NEMP2: variants seen among roughly 807,000 people sequenced by gnomAD.
NEMP2 encodes nuclear envelope integral membrane protein 2.
In NEMP2, 53 loss-of-function variants were observed where a neutral mutation model predicts 54.2. That is an observed-to-expected ratio of 0.98 (90% CI 0.78 to 1.23). NEMP2 has a LOEUF of 1.23. NEMP2 is among the 50% of genes most tolerant of loss of function. The probability of loss-of-function intolerance (pLI) is 0.00; values close to 1 mark genes in which losing one functional copy is unlikely to be tolerated. For synonymous variants in NEMP2, 197 were observed against 190.3 expected (o/e 1.04, Z -0.29); for missense variants, 455 against 511.3 (o/e 0.89, Z 1.06).
chr2:190,447,722 T>C, the NEMP2 span, among the ~76,000 whole-genome samples: 1 of 152,308 alleles, frequency 6.6e-6, no homozygotes, highest in East Asian at 1.9e-4. This position sits in a 1 kb window ranked among gnomAD's most constrained non-coding sequence, Gnocchi z 4.5. Context: ...TTGATACCCA[T>C]TTCTGGAGGA....
At chr2:190,442,205 C>T in the NEMP2 span, among the ~76,000 whole-genome samples, 1 of 152,068 alleles carries the variant, frequency 6.6e-6, no homozygotes, top group African/African-American at 2.4e-5. Flanking sequence ...ATTCTACATG[C>T]TCTAGAGGAC....
the NEMP2 span, among the ~76,000 whole-genome samples, chr2:190,487,293 G>A: frequency 6.6e-6 from 1 of 152,106 alleles, no homozygotes; most frequent in Non-Finnish European, 1.5e-5. This position sits in a 1 kb window ranked among gnomAD's most constrained non-coding sequence, Gnocchi z 5.5. Flanking sequence ...GTGAGCTGAG[G>A]TCGTGCCACT....
the NEMP2 span, among the ~76,000 whole-genome samples, chr2:190,588,909 A>G: frequency 3.9e-5 from 6 of 152,232 alleles, no homozygotes; most frequent in African/African-American, 1.4e-4. The surrounding 1 kb of genome is among the most constrained non-coding windows in gnomAD (Gnocchi z 5.0). Context: ...ATATCACTCA[A>G]TTTCTTTCGT....
At chr2:190,630,064 TTTGC>T in the NEMP2 span, among the ~76,000 whole-genome samples, 1 of 152,194 alleles carries the variant, frequency 6.6e-6, no homozygotes, top group Non-Finnish European at 1.5e-5. The surrounding 1 kb of genome is among the most constrained non-coding windows in gnomAD (Gnocchi z 5.5). Flanking sequence ...CTCAAGGCAC[TTTGC>T]TTGTTGACTT....
the NEMP2 span, among the ~76,000 whole-genome samples, chr2:190,551,985 GTCCTGGAAGGGAA>G: frequency 6.6e-6 from 1 of 152,142 alleles, no homozygotes; most frequent in African/African-American, 2.4e-5. Context: ...GTGTGACCCA[GTCCTGGAAGGGAA>G]TCCTGGAAGG....
chr2:190,633,422 T>C, the NEMP2 span, among the ~76,000 whole-genome samples: 1 of 151,868 alleles, frequency 6.6e-6, no homozygotes, highest in East Asian at 1.9e-4. Flanking sequence ...CAAGTGATTC[T>C]CTCGCCTCAG....
the NEMP2 span, among the ~76,000 whole-genome samples, chr2:190,599,799 C>G: frequency 6.6e-6 from 1 of 152,148 alleles, no homozygotes; most frequent in Admixed American, 6.5e-5. Context: ...GGCACGTGGG[C>G]CTATTTTCAC....
At chr2:190,534,412 C>G (rs1228742650) in intron 1 of NEMP2, 147 bp downstream of exon 1, 14 of 1,216,768 alleles carry the variant, frequency 1.2e-5, no homozygotes, top group African/African-American at 1.6e-5. Flanking sequence ...GCGGGGCCTG[C>G]CCGGGAGACC....
chr2:190,637,649 G>C, the NEMP2 span, among the ~76,000 whole-genome samples: 1 of 152,154 alleles, frequency 6.6e-6, no homozygotes, highest in African/African-American at 2.4e-5. The surrounding 1 kb of genome is among the most constrained non-coding windows in gnomAD (Gnocchi z 4.5). Context: ...TTCCAGACCT[G>C]TCCAATTGTT....
At chr2:190,537,956 A>G (rs541053781), upstream of NEMP2, among the ~76,000 whole-genome samples, 1 of 152,310 alleles carries the variant, frequency 6.6e-6, no homozygotes, top group South Asian at 2.1e-4. Context: ...CCAAGCACAT[A>G]CAACAAATGT....
intron 2 of NEMP2, among the ~76,000 whole-genome samples, chr2:190,524,339 A>G (rs1247011301): frequency 6.6e-6 from 1 of 152,178 alleles, no homozygotes; most frequent in Non-Finnish European, 1.5e-5. Context: ...GGAAGAGGTT[A>G]TCTACACAGT....
chr2:190,587,800 G>A, the NEMP2 span, among the ~76,000 whole-genome samples: 2 of 152,198 alleles, frequency 1.3e-5, no homozygotes, highest in Non-Finnish European at 2.9e-5. This position sits in a 1 kb window ranked among gnomAD's most constrained non-coding sequence, Gnocchi z 5.4. Context: ...CTCCGAAATA[G>A]TTGTTCAAAT....
At chr2:190,491,858 A>G in the NEMP2 span, among the ~76,000 whole-genome samples, 1 of 152,252 alleles carries the variant, frequency 6.6e-6, no homozygotes, top group Non-Finnish European at 1.5e-5. This position sits in a 1 kb window ranked among gnomAD's most constrained non-coding sequence, Gnocchi z 4.2. Context: ...TATTAAGTTA[A>G]TCAAGGAGGC....
At chr2:190,490,506 T>A in the NEMP2 span, among the ~76,000 whole-genome samples, 1 of 151,374 alleles carries the variant, frequency 6.6e-6, no homozygotes, top group African/African-American at 2.4e-5. This position sits in a 1 kb window ranked among gnomAD's most constrained non-coding sequence, Gnocchi z 4.5. Flanking sequence ...GAGCTTGCAG[T>A]GAGCCGAGAT....
At chr2:190,627,370 T>C in the NEMP2 span, among the ~76,000 whole-genome samples, 8 of 152,242 alleles carry the variant, frequency 5.3e-5, no homozygotes, top group Admixed American at 5.2e-4. This position sits in a 1 kb window ranked among gnomAD's most constrained non-coding sequence, Gnocchi z 4.4. Context: ...TTTTTCCAGA[T>C]TTCTTTCATT....
chr2:190,597,559 A>G, the NEMP2 span, among the ~76,000 whole-genome samples: 152,180 of 152,272 alleles, frequency 1, 76,044 homozygotes, highest in Middle Eastern at 1. The surrounding 1 kb of genome is among the most constrained non-coding windows in gnomAD (Gnocchi z 4.7). Flanking sequence ...TGAAAGGGGT[A>G]GTAGAAAGAA....
the NEMP2 span, chr2:190,488,540 A>G: frequency 1.8e-5 from 17 of 971,244 alleles, no homozygotes; most frequent in Middle Eastern, 2.4e-4. The surrounding 1 kb of genome is among the most constrained non-coding windows in gnomAD (Gnocchi z 6.4). Context: ...TTTTTAATGT[A>G]TGTTTTCCCA....
At chr2:190,490,169 A>C in the NEMP2 span, among the ~76,000 whole-genome samples, 1 of 152,074 alleles carries the variant, frequency 6.6e-6, no homozygotes, top group African/African-American at 2.4e-5. This position sits in a 1 kb window ranked among gnomAD's most constrained non-coding sequence, Gnocchi z 4.5. Flanking sequence ...AGGTTTTTCA[A>C]ATTTAAGTCA....
chr2:190,510,646 C>A lies in NEMP2; in HGVS notation c.954-109G>T. The stretch of plus-strand genomic sequence containing the variant: ...GCCTGTAATCCAGCATTTTGGGAGG[C>A]CTGGGGAGGCGGATCACGAGGTCAG... On this transcript the variant is annotated intron_variant, in intron 7 of 8. Coordinates refer to ENST00000409150, the MANE Select transcript of NEMP2 (RefSeq NM_001142645.2). This position sits in a 1 kb window ranked among gnomAD's most constrained non-coding sequence, Gnocchi z 5.7. 3 of 1,125,800 alleles carry A rather than the reference C, an allele frequency of 2.7e-6. No homozygotes were observed. Among genetic ancestry groups the A allele is most frequent in the Non-Finnish European group, 3.8e-6 (3 of 782,880 alleles). The allele number at this position is 1,125,800 out of a possible 1,614,324, so 69.7% of individuals were successfully genotyped here. A position where few individuals can be genotyped will look rare whatever the true frequency, so the allele number is the denominator to read the frequency against.
Sources: allele counts gnomAD v4.1 joint callset (sites outside exome capture counted in the v4.1 genomes callset), GRCh38; gene constraint gnomAD v4.1.1; non-coding constraint Gnocchi (gnomAD v3.1); transcripts MANE v1.5; gene names NCBI Gene and HGNC (gene_info 2026-07-23, HGNC 2026-07-21).